Variants in IL1RAPL1 observed in about 807,000 individuals in gnomAD.
IL1RAPL1 encodes the protein interleukin-1 receptor accessory protein-like 1.
IL1RAPL1 carries 3 observed loss-of-function variants against 48.4 expected under a neutral mutation model. That is an observed-to-expected ratio of 0.06 (90% CI 0.03 to 0.16). IL1RAPL1 has a LOEUF of 0.16. Ranked by LOEUF, IL1RAPL1 falls within the 10% of genes least tolerant of loss-of-function variation. The probability of loss-of-function intolerance (pLI) is 1.00; values close to 1 mark genes in which losing one functional copy is unlikely to be tolerated. For missense variants in IL1RAPL1, 349 were observed against 530.6 expected (o/e 0.66, Z 3.36); for synonymous variants, 185 against 187.7 (o/e 0.99, Z 0.12).
intron 3 of IL1RAPL1, among the ~76,000 whole-genome samples, chrX:29,283,936 T>G (rs1399628909): frequency 2.7e-5 from 3 of 112,891 alleles, no homozygotes; most frequent in Non-Finnish European, 5.6e-5. Context: ...AACCTCAGTT[T>G]AAGCATTTAG....
At chrX:29,201,295 T>G (rs1411424295) in intron 2 of IL1RAPL1, among the ~76,000 whole-genome samples, 1 of 112,008 alleles carries the variant, frequency 8.9e-6, no homozygotes, top group Non-Finnish European at 1.9e-5. Context: ...TTATTTTATA[T>G]TTTTCATTGC....
intron 3 of IL1RAPL1, among the ~76,000 whole-genome samples, chrX:29,363,492 G>T (rs1443712392): frequency 2.7e-5 from 3 of 111,541 alleles, no homozygotes; most frequent in African/African-American, 6.5e-5. Flanking sequence ...TATATGCCCA[G>T]AATTCAAAAT....
At position 29,920,056 on chromosome X, in the gene IL1RAPL1, A is replaced by T; in HGVS notation, c.1019A>T (p.Asn340Ile). 2.5e-6 allele frequency: 3 copies of T among 1,211,475 alleles called. No individual in the cohort carries two copies. The highest frequency in any genetic ancestry group is 3.4e-6 in the Non-Finnish European group (3 of 895,174). The change falls in exon 8 of 11, where the codon AAT becomes ATT. Residue 340 changes from asparagine to isoleucine, a missense_variant. Asn to Ile is a moderately radical substitution (Grantham distance 149). Coordinates refer to ENST00000378993, the MANE Select transcript of IL1RAPL1 (RefSeq NM_014271.4). The stretch of plus-strand genomic sequence containing the variant: ...TACTCCTGTTATGTTGAAAATGGAA[A>T]TGGACGTCGACACGCCAGCGTTCTC... ...GNYSCYVENG[N>I]GRRHASVLLH...
intron 6 of IL1RAPL1, among the ~76,000 whole-genome samples, chrX:29,738,163 G>C (rs5972812): frequency 0.024 from 2,680 of 111,682 alleles, 75 homozygotes; most frequent in African/African-American, 0.083. Context: ...AGATCACAGA[G>C]GAGAGAAAAC....
chrX:28,964,265 A>T (rs994582600), intron 2 of IL1RAPL1, among the ~76,000 whole-genome samples: 4 of 111,758 alleles, frequency 3.6e-5, no homozygotes, highest in Non-Finnish European at 7.5e-5. Context: ...CACTTTTAAC[A>T]TAAAGTATCT....
chrX:29,720,239 A>C (rs911166761), intron 6 of IL1RAPL1, among the ~76,000 whole-genome samples: 2 of 111,744 alleles, frequency 1.8e-5, no homozygotes, highest in Admixed American at 1.9e-4. Context: ...TTGACCCAGC[A>C]ATCCCATTAC....
At chrX:29,842,926 G>A (rs1377662485) in intron 6 of IL1RAPL1, among the ~76,000 whole-genome samples, 1 of 111,952 alleles carries the variant, frequency 8.9e-6, no homozygotes, top group African/African-American at 3.2e-5. Context: ...AGATTGACAT[G>A]CTTCAGTGCC....
intron 1 of IL1RAPL1, among the ~76,000 whole-genome samples, chrX:28,687,369 C>T (rs976442379): frequency 8.9e-6 from 1 of 112,027 alleles, no homozygotes; most frequent in African/African-American, 3.2e-5. Flanking sequence ...TTCTAGCTTT[C>T]CTTATTTATT....
At chrX:29,676,070 A>T (rs1156549903) in intron 6 of IL1RAPL1, among the ~76,000 whole-genome samples, 1 of 111,548 alleles carries the variant, frequency 9.0e-6, no homozygotes, top group African/African-American at 3.3e-5. Flanking sequence ...TCCCAGTTGA[A>T]ATCTCACACA....
In IL1RAPL1 at chrX:29,428,784, A is replaced by C. The variant is rs922584548; in HGVS notation, c.703+29476A>C. 1.6e-4 allele frequency among the ~76,000 whole-genome samples: 18 copies of C among 110,978 alleles called. No individual in the cohort carries two copies. In the Admixed American group the frequency reaches 1.7e-3, roughly 11 times the overall value. ...GATGCTTAAAAGCAATCAGTGACTC[A>C]CTCCACATTACCCAAAGGATAAATT... On this transcript the variant is annotated intron_variant, in intron 5 of 10. Transcript: ENST00000378993.
At chrX:29,849,140 T>C (rs1225421227) in intron 6 of IL1RAPL1, among the ~76,000 whole-genome samples, 1 of 110,782 alleles carries the variant, frequency 9.0e-6, no homozygotes, top group Non-Finnish European at 1.9e-5. Context: ...GAAAAAAAAA[T>C]GGGTAAGCTA....
intron 6 of IL1RAPL1, among the ~76,000 whole-genome samples, chrX:29,915,599 T>C (rs1360677072): frequency 2.7e-5 from 3 of 110,248 alleles, no homozygotes; most frequent in African/African-American, 9.9e-5. Context: ...ATAAGCAAAA[T>C]TTCAAGAAAT....
chrX:29,255,286 AT>A (rs1056821948), intron 2 of IL1RAPL1, among the ~76,000 whole-genome samples: 6 of 108,618 alleles, frequency 5.5e-5, no homozygotes, highest in Non-Finnish European at 7.7e-5. Flanking sequence ...TATTTTGAAT[AT>A]TTTTTTCCCT....
intron 2 of IL1RAPL1, among the ~76,000 whole-genome samples, chrX:29,265,791 G>A (rs918924298): frequency 1.8e-5 from 2 of 109,199 alleles, no homozygotes; most frequent in African/African-American, 6.7e-5. Context: ...TCCCCACAAA[G>A]GACATGAACT....
intron 6 of IL1RAPL1, among the ~76,000 whole-genome samples, chrX:29,756,557 C>T (rs1305242046): frequency 3.6e-5 from 4 of 109,739 alleles, no homozygotes; most frequent in African/African-American, 1.0e-4. Context: ...GGATTACAGG[C>T]GCCCACCACC....
chrX:28,827,852 C>T (rs1346448891), intron 2 of IL1RAPL1, among the ~76,000 whole-genome samples: 2 of 111,854 alleles, frequency 1.8e-5, no homozygotes, highest in African/African-American at 6.5e-5. Context: ...GTTTAATCTA[C>T]CTGTGAAAAT....
At chrX:29,052,983 A>G (rs1363642014) in intron 2 of IL1RAPL1, among the ~76,000 whole-genome samples, 8 of 111,619 alleles carry the variant, frequency 7.2e-5, no homozygotes, top group Non-Finnish European at 1.5e-4. Flanking sequence ...CCAGGTATTA[A>G]GCCCACTACC....
chrX:29,104,263 A>C (rs1234584716), intron 2 of IL1RAPL1, among the ~76,000 whole-genome samples: 1 of 112,325 alleles, frequency 8.9e-6, no homozygotes, highest in Admixed American at 9.5e-5. Flanking sequence ...AATGTGGTAC[A>C]TATACACAAT....
At chrX:29,888,128 A>C (rs1487048989) in intron 6 of IL1RAPL1, among the ~76,000 whole-genome samples, 1 of 108,160 alleles carries the variant, frequency 9.2e-6, no homozygotes, top group African/African-American at 3.4e-5. Context: ...TACAGAAGTT[A>C]GGATTTTTTT....
Sources: gnomAD v4.1 joint callset for allele counts (sites outside exome capture counted in the v4.1 genomes callset) on GRCh38, gnomAD v4.1.1 for gene constraint, MANE v1.5 for transcripts, NCBI Gene and HGNC (gene_info 2026-07-23, HGNC 2026-07-21) for gene names.